Variants in PCYT1A observed in about 807,000 individuals in gnomAD.
PCYT1A encodes phosphate cytidylyltransferase 1A, choline, also known as choline-phosphate cytidylyltransferase A.
PCYT1A carries 25 observed loss-of-function variants against 43.7 expected under a neutral mutation model. That is an observed-to-expected ratio of 0.57 (90% confidence interval 0.42 to 0.80). The LOEUF is 0.80. Ranked by LOEUF, PCYT1A falls within the 30% of genes least tolerant of loss-of-function variation. The probability of loss-of-function intolerance (pLI) is 0.00; values close to 1 mark genes in which losing one functional copy is unlikely to be tolerated. For missense variants in PCYT1A, 421 were observed against 474.2 expected (o/e 0.89, Z 1.04); for synonymous variants, 172 against 170.7 (o/e 1.01, Z -0.06).
intron 4 of PCYT1A, 116 bp downstream of exon 4, chr3:196,248,091 G>A (rs1384964860): frequency 1.4e-6 from 1 of 710,958 alleles, no homozygotes; most frequent in Non-Finnish European, 2.6e-6. Flanking sequence ...TAGAGAGGCT[G>A]TACTACATCC....
chr3:196,260,591 C>T lies in PCYT1A; in HGVS notation c.118-2704G>A, dbSNP rs142642221. Among the ~76,000 whole-genome samples the T allele has an allele frequency of 2.1e-3, 315 of 152,252 alleles. 1 individual carries two copies. Among genetic ancestry groups the T allele is most frequent in the African/African-American group, 7.2e-3 (299 of 41,542 alleles). On this transcript the variant is annotated intron_variant, in intron 2 of 8. Transcript: ENST00000431016. ...GGCACGGTAACTCACGCCTGTAATCCCAGCACTTTGGGAGGCCGAGGCGGG... is the reference window on the plus strand; with the variant it reads ...GGCACGGTAACTCACGCCTGTAATCTCAGCACTTTGGGAGGCCGAGGCGGG...
At chr3:196,260,175 G>A (rs142124441) in intron 2 of PCYT1A, among the ~76,000 whole-genome samples, 25 of 151,888 alleles carry the variant, frequency 1.6e-4, no homozygotes, top group Admixed American at 7.9e-4. Flanking sequence ...CACCCGCTTC[G>A]GCCTCCTAAA....
intron 2 of PCYT1A, among the ~76,000 whole-genome samples, chr3:196,259,911 CTTTTTT>C (rs779918737): frequency 2.0e-5 from 1 of 48,952 alleles, no homozygotes. Context: ...TGGAAACATT[CTTTTTT>C]TTTTTTTTTT....
rs898745998 is a variant in PCYT1A at position 196,277,233 on chromosome 3, A to C, written c.-10-6692T>G. On this transcript the variant is annotated intron_variant, in intron 1 of 8. Transcript: ENST00000431016. This position sits in a 1 kb window ranked among gnomAD's most constrained non-coding sequence, Gnocchi z 4.1. ...TGACAAGAGTGAGACTCCATTTCAA[A>C]AAAATATATATATTTTTTTCTTTAC... is the stretch of plus-strand genomic sequence containing the variant. Among the ~76,000 whole-genome samples, 5 of 152,008 alleles carry C rather than the reference A, an allele frequency of 3.3e-5. No individual in the cohort carries two copies. Among genetic ancestry groups the C allele is most frequent in the Non-Finnish European group, 5.9e-5 (4 of 68,018 alleles).
At chr3:196,287,539 C>T (rs1725948864) in intron 1 of PCYT1A, 76 bp downstream of exon 1, 1 of 152,858 alleles carries the variant, frequency 6.5e-6, no homozygotes, top group Non-Finnish European at 1.5e-5. Flanking sequence ...TACCACTCTT[C>T]CTCAGTCACA....
At chr3:196,238,930 G>A (rs187341183) in intron 8 of PCYT1A, 36 bp from the exon 9 acceptor site, 103 of 1,277,636 alleles carry the variant, frequency 8.1e-5, no homozygotes, top group Middle Eastern at 2.8e-4. Context: ...GAAAAACACC[G>A]TGGATCCTAC....
chr3:196,238,531 C>CT lies in PCYT1A; in HGVS notation c.*156dup. 2 of 504,390 alleles carry CT rather than the reference C, an allele frequency of 4.0e-6. No homozygotes were observed. The highest frequency in any genetic ancestry group is 7.0e-6 in the Non-Finnish European group (2 of 285,458). 31.2% of individuals were successfully genotyped at this position (504,390 alleles called of 1,614,324 possible). A position where few individuals can be genotyped will look rare whatever the true frequency, so the allele number is the denominator to read the frequency against. On this transcript the variant is annotated 3_prime_UTR_variant, in exon 9 of 9. Transcript: ENST00000431016. ...TGAGTGATGTCACTTGCAGGACAGG[C>CT]TGTTTGGGTTCCCCCAGTCCTAGGT...
rs530111291 is a variant in PCYT1A at position 196,234,939 on chromosome 3, G to A, written c.*3749C>T. 6.6e-6 allele frequency: 1 copy of A among 152,090 alleles called. No homozygotes were observed. Among genetic ancestry groups the A allele is most frequent in the Non-Finnish European group, 1.5e-5 (1 of 68,022 alleles). 9.4% of individuals were successfully genotyped at this position (152,090 alleles called of 1,614,324 possible). Reference sequence around the variant, plus strand: ...CCTTTAAAAATACTTATATTGGTAAGCTTAAAAAAATATCATCAGTTAAAA... The same window carrying A: ...CCTTTAAAAATACTTATATTGGTAAACTTAAAAAAATATCATCAGTTAAAA... On this transcript the variant is annotated 3_prime_UTR_variant, in exon 9 of 9. Coordinates refer to ENST00000431016, the MANE Select transcript of PCYT1A (RefSeq NM_001312673.2).
chr3:196,284,655 C>A (rs1457561942), intron 1 of PCYT1A, among the ~76,000 whole-genome samples: 4 of 152,154 alleles, frequency 2.6e-5, no homozygotes, highest in Non-Finnish European at 2.9e-5. Context: ...GAAAATAAAA[C>A]CCCACTGCTT....
chr3:196,271,633 T>C (rs568749910), intron 1 of PCYT1A, among the ~76,000 whole-genome samples: 129 of 137,080 alleles, frequency 9.4e-4, no homozygotes, highest in African/African-American at 3.5e-3. Context: ...AGAGTCTCAC[T>C]GTGTCACCCT....
At chr3:196,274,290 C>G (rs1419069265) in intron 1 of PCYT1A, among the ~76,000 whole-genome samples, 1 of 152,196 alleles carries the variant, frequency 6.6e-6, no homozygotes, top group East Asian at 1.9e-4. Context: ...AACTTGGAAA[C>G]GGGCAGGGCT....
chr3:196,263,840 G>GCT (rs1277670332), intron 2 of PCYT1A, among the ~76,000 whole-genome samples: 1 of 151,970 alleles, frequency 6.6e-6, no homozygotes, highest in Non-Finnish European at 1.5e-5. Flanking sequence ...CACCATGTTG[G>GCT]CCAGGATGGT....
intron 2 of PCYT1A, among the ~76,000 whole-genome samples, chr3:196,259,535 G>T (rs112436541): frequency 2.2e-4 from 34 of 151,696 alleles, no homozygotes; most frequent in African/African-American, 4.8e-4. Flanking sequence ...CGTTTTTTTT[G>T]TTTGTTTGTT....
rs1725512902 is a variant in PCYT1A, at chr3:196,273,894, G to T, written c.-10-3353C>A. Among the ~76,000 whole-genome samples, 1 of 152,206 alleles carries T rather than the reference G, an allele frequency of 6.6e-6. No individual in the cohort carries two copies. Among genetic ancestry groups the T allele is most frequent in the Non-Finnish European group, 1.5e-5 (1 of 68,032 alleles). ...GGGACCCGCCCATTTCCGCCTAGGA[G>T]CCTGTCTGCCTCCTGCTGTCATCAA... On this transcript the variant is annotated intron_variant, in intron 1 of 8. Transcript: ENST00000431016. The surrounding 1 kb of genome is among the most constrained non-coding windows in gnomAD (Gnocchi z 4.1).
intron 1 of PCYT1A, among the ~76,000 whole-genome samples, chr3:196,279,418 A>T (rs1171072129): frequency 6.6e-6 from 1 of 152,198 alleles, no homozygotes; most frequent in Non-Finnish European, 1.5e-5. Context: ...ACAGACTCTA[A>T]ATATGGACAT....
Position 196,242,459 on chromosome 3 carries a change from T to C in PCYT1A, c.565+103A>G, listed in dbSNP as rs938529049. Reference sequence around the variant, plus strand: ...CCAAAATGTGGCCTGAAAGAGGATGTTGAATTTCTAATGTACACATTTTCC... The same window carrying C: ...CCAAAATGTGGCCTGAAAGAGGATGCTGAATTTCTAATGTACACATTTTCC... On this transcript the variant is annotated intron_variant, in intron 6 of 8. Coordinates refer to ENST00000431016, the MANE Select transcript of PCYT1A (RefSeq NM_001312673.2). The surrounding 1 kb of genome is among the most constrained non-coding windows in gnomAD (Gnocchi z 4.2). 8.4e-6 allele frequency: 7 copies of C among 836,074 alleles called. No homozygotes were observed. In the Admixed American group the frequency reaches 8.8e-5, roughly 11 times the overall value. 51.8% of individuals were successfully genotyped at this position (836,074 alleles called of 1,614,324 possible).
rs1283640540 is a variant in PCYT1A, at chr3:196,252,108, C to T, written c.218-3785G>A. ...GCACCCCGCCACGCCCCGCAGACTA[C>T]AGCGCACCCCGCCACGCCCCACTGG... On this transcript the variant is annotated intron_variant, in intron 3 of 8. Transcript: ENST00000431016. This position sits in a 1 kb window ranked among gnomAD's most constrained non-coding sequence, Gnocchi z 4.0. Among the ~76,000 whole-genome samples the T allele has an allele frequency of 6.6e-6, 1 of 152,096 alleles. No individual in the cohort carries two copies. The highest frequency in any genetic ancestry group is 1.5e-5 in the Non-Finnish European group (1 of 68,014).
chr3:196,287,165 C>T (rs1189472349), intron 1 of PCYT1A: 3 of 152,416 alleles, frequency 2.0e-5, no homozygotes, highest in African/African-American at 7.2e-5. Context: ...CGTGCCCAAA[C>T]ACAACCCTAC....
chr3:196,273,158 TG>T lies in PCYT1A; in HGVS notation c.-10-2618del, dbSNP rs1466176280. Among the ~76,000 whole-genome samples the T allele has an allele frequency of 2.6e-5, 4 of 152,166 alleles. No individual in the cohort carries two copies. The highest frequency in any genetic ancestry group is 5.9e-5 in the Non-Finnish European group (4 of 68,024). ...TACAAGCAGCTTCCACTGCAGGCAC[TG>T]GGGAACATGGTGCTGCCCAGAAGCT... is the stretch of plus-strand genomic sequence containing the variant. On this transcript the variant is annotated intron_variant, in intron 1 of 8. Transcript: ENST00000431016. The surrounding 1 kb of genome is among the most constrained non-coding windows in gnomAD (Gnocchi z 4.1).
Sources: gnomAD v4.1 joint callset for allele counts (sites outside exome capture counted in the v4.1 genomes callset) on GRCh38, gnomAD v4.1.1 for gene constraint, Gnocchi (gnomAD v3.1) non-coding constraint, MANE v1.5 for transcripts, NCBI Gene and HGNC (gene_info 2026-07-23, HGNC 2026-07-21) for gene names.